Variants in NISCH observed in about 807,000 individuals in gnomAD.
NISCH encodes nischarin, also known as I-1 receptor candidate protein.
In NISCH, 55 loss-of-function variants were observed where a neutral mutation model predicts 138.4. The observed-to-expected ratio is 0.40, with a 90% CI of 0.32 to 0.50. NISCH has a LOEUF of 0.50. Ranked by LOEUF, NISCH falls within the 20% of genes least tolerant of loss-of-function variation. The pLI is 0.71. For missense variants in NISCH, 1,643 were observed against 2,005.5 expected (o/e 0.82, Z 3.45); for synonymous variants, 860 against 861.5 (o/e 1.00, Z 0.03).
At chr3:52,485,065 A>AT (rs1338793098) in intron 14 of NISCH, among the ~76,000 whole-genome samples, 3 of 152,002 alleles carry the variant, frequency 2.0e-5, no homozygotes, top group Non-Finnish European at 4.4e-5. Context: ...GCCTTTCCGC[A>AT]TGTCACCCTG....
At chr3:52,470,770 C>A in intron 3 of NISCH, 89 bp from the exon 4 acceptor site, 1 of 1,064,356 alleles carries the variant, frequency 9.4e-7, no homozygotes, top group Non-Finnish European at 1.5e-6. Flanking sequence ...ATGGCACTGG[C>A]ACAACAGAGG....
intron 3 of NISCH, among the ~76,000 whole-genome samples, chr3:52,466,948 G>A (rs1268780669): frequency 1.3e-5 from 2 of 151,970 alleles, no homozygotes; most frequent in African/African-American, 4.8e-5. Context: ...AACACACTGG[G>A]AGGGTGAGTG....
At chr3:52,461,003 G>A (rs750258353) in intron 3 of NISCH, among the ~76,000 whole-genome samples, 15 of 152,078 alleles carry the variant, frequency 9.9e-5, no homozygotes, top group Non-Finnish European at 8.8e-5. Flanking sequence ...CTTTGGGAAG[G>A]CCCAGACAGG....
chr3:52,483,722 G>A (rs1707334844), intron 13 of NISCH, among the ~76,000 whole-genome samples: 1 of 152,252 alleles, frequency 6.6e-6, no homozygotes, highest in Non-Finnish European at 1.5e-5. Context: ...CTGGTGAATT[G>A]TCCCGTGCCC....
Position 52,491,976 on chromosome 3 carries a change from G to A in NISCH, c.4009G>A (p.Ala1337Thr), listed in dbSNP as rs777229889. Residue 1337 changes from alanine to threonine, a missense_variant, in exon 21 of 21, where the codon GCT becomes ACT. Transcript: ENST00000345716. ...DLTFTVAQKM[A>T]EPEKAPALSI... ...GACGTTCACTGTGGCCCAAAAGATG[G>A]CTGAGCCAGAGAAGGCCCCAGCCCT... 72 of 1,613,538 alleles carry A rather than the reference G, an allele frequency of 4.5e-5. No homozygotes were observed. In the South Asian group the frequency reaches 7.8e-4, roughly 17 times the overall value.
chr3:52,492,525 T>C lies in NISCH; in HGVS notation c.*43T>C, dbSNP rs770510046. ...CTGTCGTGTCCAGCCTGACGCCTAC[T>C]GGGGCAGGGCAGCAGGCTTTTGTGT... On this transcript the variant is annotated 3_prime_UTR_variant, in exon 21 of 21. Transcript: ENST00000345716. 6.5e-7 allele frequency: 1 copy of C among 1,535,346 alleles called. No individual in the cohort carries two copies. Among genetic ancestry groups the C allele is most frequent in the South Asian group, 1.2e-5 (1 of 80,896 alleles).
chr3:52,477,949 G>A (rs1707152715), intron 9 of NISCH, 148 bp from the exon 10 acceptor site: 1 of 852,386 alleles, frequency 1.2e-6, no homozygotes, highest in African/African-American at 1.7e-5. Flanking sequence ...CGGCAGAGAA[G>A]AGGGACTTCC....
At chr3:52,455,991 C>T (rs1311849989) in intron 1 of NISCH, among the ~76,000 whole-genome samples, 2 of 65,644 alleles carry the variant, frequency 3.0e-5, no homozygotes, top group Non-Finnish European at 5.8e-5. Flanking sequence ...GGGTTGGGGG[C>T]GGCATCTGGG....
At position 52,485,779 on chromosome 3, in the gene NISCH, C is replaced by A; in HGVS notation, c.1655C>A (p.Ala552Glu). ...TGACTGTGTTTCTTTCTCCATCAGG[C>A]AGCTTCCGATGATTTAAGGGACGTG... ...DSLESIPAGQ[A>E]ASDDLRDVPG... The change falls in exon 15 of 21, where the codon GCA (alanine) becomes GAA (glutamate). Residue 552 changes from alanine (A) to glutamate (E), a missense_variant and splice_region_variant. Physicochemically the swap from Ala to Glu is moderately radical, Grantham distance 107. Transcript: ENST00000345716. 1 of 1,579,922 alleles carries A rather than the reference C, an allele frequency of 6.3e-7. No homozygotes were observed.
intron 14 of NISCH, among the ~76,000 whole-genome samples, chr3:52,485,247 C>T (rs1008451168): frequency 6.6e-6 from 1 of 152,204 alleles, no homozygotes; most frequent in Non-Finnish European, 1.5e-5. Flanking sequence ...TCTGCAGCAG[C>T]ACAAGGTTAT....
At position 52,491,584 on chromosome 3, in the gene NISCH, G is replaced by GTGCCCCAGAACCCTCTC. The variant is rs1052978945; in HGVS notation, c.3904+76_3904+92dup. 6.7e-6 allele frequency: 10 copies of GTGCCCCAGAACCCTCTC among 1,500,382 alleles called. No individual in the cohort carries two copies. The African/African-American group carries it at 1.3e-4, about 19-fold the overall frequency. 92.9% of individuals were successfully genotyped at this position (1,500,382 alleles called of 1,614,324 possible). ...GTCATGGGCCCCAGGGTGGCTCTCT[G>GTGCCCCAGAACCCTCTC]TGCCCCAGAACCCTCTCTGCCTCTA... is the stretch of plus-strand genomic sequence containing the variant. On this transcript the variant is annotated intron_variant, in intron 20 of 20. Transcript: ENST00000345716.
chr3:52,488,681 G>A (rs886684165), intron 16 of NISCH, 76 bp downstream of exon 16: 11 of 1,289,218 alleles, frequency 8.5e-6, no homozygotes, highest in Non-Finnish European at 1.2e-5. Context: ...TCTGCGGCTA[G>A]TGTGGGCTGG....
At chr3:52,488,740 C>T (rs1707482216) in intron 16 of NISCH, 135 bp downstream of exon 16, 3 of 728,428 alleles carry the variant, frequency 4.1e-6, no homozygotes, top group East Asian at 2.7e-5. Flanking sequence ...CTCGCCCCCC[C>T]CGGGCCTCCC....
rs564288228 is a variant in NISCH, at chr3:52,488,969, T to C, written c.3113+364T>C. Among the ~76,000 whole-genome samples the C allele has an allele frequency of 2.0e-5, 3 of 152,234 alleles. No individual in the cohort carries two copies. The South Asian group carries it at 6.2e-4, about 32-fold the overall frequency. ...AGAGCTGTCACCCTGGCTGCTGTGC[T>C]CCTCTGGGCCCAAGCATGGCCTCTG... On this transcript the variant is annotated intron_variant, in intron 16 of 20. Coordinates refer to ENST00000345716, the MANE Select transcript of NISCH (RefSeq NM_007184.4).
At chr3:52,462,666 G>A (rs1008292412) in intron 3 of NISCH, among the ~76,000 whole-genome samples, 16 of 152,014 alleles carry the variant, frequency 1.1e-4, no homozygotes, top group Admixed American at 7.2e-4. Flanking sequence ...ACGGAGTTTC[G>A]TTCTTACTGG....
In NISCH at chr3:52,491,419, G is replaced by A. The variant is rs887509030; in HGVS notation, c.3810G>A (p.Gln1270=). The change falls in exon 20 of 21, where the codon CAG becomes CAA. Residue 1270 remains glutamine (Q), a synonymous_variant. Coordinates refer to ENST00000345716, the MANE Select transcript of NISCH (RefSeq NM_007184.4). ...RDSYLTHCFL[Q]HLMVVLSSLE... ...GCTACCTGACGCACTGCTTCCTCCA[G>A]CACCTCATGGTCGTGCTGTCCTCTC... 6.2e-7 allele frequency: 1 copy of A among 1,613,406 alleles called. No homozygotes were observed. The highest frequency in any genetic ancestry group is 1.7e-5 in the Admixed American group (1 of 60,008).
chr3:52,479,817 G>A lies in NISCH; in HGVS notation c.1371G>A (p.Gln457=). 1 of 1,613,872 alleles carries A rather than the reference G, an allele frequency of 6.2e-7. No homozygotes were observed. Among genetic ancestry groups the A allele is most frequent in the Non-Finnish European group, 8.5e-7 (1 of 1,179,938 alleles). The stretch of plus-strand genomic sequence containing the variant: ...CTGTGGAAGTGCTGAAAGCAATTCA[G>A]AAAGCCAAGGAGGTCAAGTCCAAAC... ...LDTVEVLKAI[Q]KAKEVKSKLS... is the part of the protein sequence containing the mutation. Residue 457 remains glutamine (Q), a synonymous_variant, in exon 12 of 21, where the codon CAG becomes CAA. Transcript: ENST00000345716.
chr3:52,473,513 T>C (rs1707007167), intron 6 of NISCH, among the ~76,000 whole-genome samples: 1 of 152,110 alleles, frequency 6.6e-6, no homozygotes, highest in African/African-American at 2.4e-5. Flanking sequence ...CCATTGTGAG[T>C]CTGAGGGGCC....
At chr3:52,483,363 G>A (rs1191934943) in intron 13 of NISCH, among the ~76,000 whole-genome samples, 1 of 152,204 alleles carries the variant, frequency 6.6e-6, no homozygotes, top group Non-Finnish European at 1.5e-5. Flanking sequence ...GGCTGTGGAG[G>A]TAGGCCTAGG....
Sources: gnomAD v4.1 joint callset for allele counts (sites outside exome capture counted in the v4.1 genomes callset) on GRCh38, gnomAD v4.1.1 for gene constraint, MANE v1.5 for transcripts, NCBI Gene and HGNC (gene_info 2026-07-23, HGNC 2026-07-21) for gene names.